Variants in NBR1 observed in about 807,000 individuals in gnomAD.
NBR1 encodes the protein next to BRCA1 gene 1 protein.
NBR1 carries 59 observed loss-of-function variants against 115.5 expected under a neutral mutation model. The ratio of observed to expected loss-of-function variants is 0.51; its 90% CI spans 0.41 to 0.63. The LOEUF is 0.63. Ranked by LOEUF, NBR1 falls within the 30% of genes least tolerant of loss-of-function variation. NBR1 has a pLI of 0.00. For missense variants in NBR1, 1,043 were observed against 1,150.5 expected, an observed-to-expected ratio of 0.91 and a Z score of 1.35; for synonymous variants, 373 against 414.7, an observed-to-expected ratio of 0.90 and a Z score of 1.22.
At chr17:43,190,877 T>A in intron 9 of NBR1, 101 bp downstream of exon 9, 1 of 1,146,034 alleles carries the variant, frequency 8.7e-7, no homozygotes, top group Non-Finnish European at 1.2e-6. Context: ...TTAGTTCTGC[T>A]CATTTTCAAT....
intron 3 of NBR1, among the ~76,000 whole-genome samples, chr17:43,178,830 A>G (rs1053835969): frequency 1.4e-5 from 2 of 142,282 alleles, no homozygotes; most frequent in Admixed American, 7.3e-5. Context: ...GTGCATTGGC[A>G]TAGCTTGCTG....
chr17:43,186,143 A>G, intron 5 of NBR1, 107 bp from the exon 6 acceptor site: 2 of 934,650 alleles, frequency 2.1e-6, no homozygotes, highest in Non-Finnish European at 1.6e-6. Context: ...AAATCCTAGT[A>G]TTTTCTAGCA....
intron 5 of NBR1, among the ~76,000 whole-genome samples, chr17:43,185,956 G>A (rs1175702817): frequency 6.6e-6 from 1 of 151,812 alleles, no homozygotes; most frequent in East Asian, 1.9e-4. Context: ...AGCCAAGACC[G>A]TGCCATTGCA....
In NBR1 at chr17:43,193,444, G is replaced by C; in HGVS notation, c.1330G>C (p.Val444Leu). The change falls in exon 12 of 21, where the codon GTG (valine) becomes CTG (leucine). Residue 444 changes from valine (V) to leucine (L), a missense_variant. By Grantham distance (32) the Val-to-Leu change is conservative. Coordinates refer to ENST00000590996, the MANE Select transcript of NBR1 (RefSeq NM_005899.5). Reference protein sequence around the residue: ...LKAGHVGVVSVEFIAPALEGT... With the variant: ...LKAGHVGVVSLEFIAPALEGT... Reference sequence around the variant, plus strand: ...GGCCGGCCATGTGGGAGTTGTATCTGTGGAGTTCATTGCCCCAGCCTTGGA... The same window carrying C: ...GGCCGGCCATGTGGGAGTTGTATCTCTGGAGTTCATTGCCCCAGCCTTGGA... The C allele has an allele frequency of 6.2e-7, 1 of 1,613,978 alleles. No homozygotes were observed. The highest frequency in any genetic ancestry group is 8.5e-7 in the Non-Finnish European group (1 of 1,179,886).
chr17:43,196,445 C>T lies in NBR1; in HGVS notation c.1751-36C>T, dbSNP rs546269110. On this transcript the variant is annotated intron_variant, in intron 14 of 20. Transcript: ENST00000590996. ...CTGACTGTTGATGATATGATGCTTT[C>T]TCTTGATTGATGGTTCTCCTGTCTT... is the stretch of plus-strand genomic sequence containing the variant. 2.3e-6 allele frequency: 3 copies of T among 1,291,544 alleles called. No homozygotes were observed. The South Asian group carries it at 4.3e-5, about 19-fold the overall frequency. 80.0% of individuals were successfully genotyped at this position (1,291,544 alleles called of 1,614,324 possible).
At chr17:43,180,768 C>G in intron 4 of NBR1, 27 bp from the exon 5 acceptor site, 2 of 1,449,754 alleles carry the variant, frequency 1.4e-6, no homozygotes, top group South Asian at 2.9e-5. Flanking sequence ...GAAGAAGTAT[C>G]ATGGTGTATA....
intron 10 of NBR1, 107 bp downstream of exon 10, chr17:43,191,688 C>A: frequency 1.4e-6 from 1 of 698,152 alleles, no homozygotes; most frequent in Non-Finnish European, 2.4e-6. Context: ...ACACCTAAAT[C>A]TTTAAAACTT....
In NBR1 at chr17:43,186,377, C is replaced by G. The variant is rs79648394; in HGVS notation, c.335C>G (p.Ala112Gly). 6.2e-7 allele frequency: 1 copy of G among 1,602,586 alleles called. No individual in the cohort carries two copies. Among genetic ancestry groups the G allele is most frequent in the Non-Finnish European group, 8.5e-7 (1 of 1,174,862 alleles). The change falls in exon 6 of 21, where the codon GCA (alanine) becomes GGA (glycine). Residue 112 changes from alanine to glycine, a missense_variant. Coordinates refer to ENST00000590996, the MANE Select transcript of NBR1 (RefSeq NM_005899.5). ...LAARAGKKPL[A>G]HYSSLVRVLG... ...GCCAGGGCAGGGAAGAAGCCACTTG[C>G]ACATTACTCTTCACTGGTGAGAGTC...
In NBR1 at chr17:43,210,245, G is replaced by C; in HGVS notation, c.*171G>C. On this transcript the variant is annotated 3_prime_UTR_variant, in exon 21 of 21. Coordinates refer to ENST00000590996, the MANE Select transcript of NBR1 (RefSeq NM_005899.5). ...ACAGTATTTTGGGGAGCAAACTAAA[G>C]ACCAGAACTTAAATTTTCACTTTAG... is the stretch of plus-strand genomic sequence containing the variant. 2.0e-6 allele frequency: 1 copy of C among 498,072 alleles called. No homozygotes were observed. 30.9% of individuals were successfully genotyped at this position (498,072 alleles called of 1,614,324 possible). A position where few individuals can be genotyped will look rare whatever the true frequency, so the allele number is the denominator to read the frequency against.
rs1188222394 is a variant in NBR1, at chr17:43,210,858, GTTAT to G, written c.*788_*791del. On this transcript the variant is annotated 3_prime_UTR_variant, in exon 21 of 21. Coordinates refer to ENST00000590996, the MANE Select transcript of NBR1 (RefSeq NM_005899.5). ...ATCTTATAGAAAAGGAAAAAATCCC[GTTAT>G]TTAAAGGGAAAAGTAAATTTAACAG... 5.0e-6 allele frequency: 2 copies of G among 397,004 alleles called. No individual in the cohort carries two copies. Among genetic ancestry groups the G allele is most frequent in the South Asian group, 1.4e-4 (1 of 7,180 alleles). 24.6% of individuals were successfully genotyped at this position (397,004 alleles called of 1,614,324 possible). A position where few individuals can be genotyped will look rare whatever the true frequency, so the allele number is the denominator to read the frequency against.
chr17:43,205,952 G>A (rs951777077), intron 20 of NBR1, among the ~76,000 whole-genome samples: 1 of 151,464 alleles, frequency 6.6e-6, no homozygotes, highest in African/African-American at 2.4e-5. Flanking sequence ...GGCTGAGGCG[G>A]GTGGATCATG....
In NBR1 at chr17:43,193,388, A is replaced by C. The variant is rs767200161; in HGVS notation, c.1274A>C (p.Glu425Ala). The C allele has an allele frequency of 1.9e-5, 30 of 1,614,026 alleles. No homozygotes were observed. The highest frequency in any genetic ancestry group is 2.5e-5 in the Non-Finnish European group (30 of 1,179,896). ...GGAAACCTGACTTTGGCTTCCACAGAAAAGAAGGATGTTTTGGTTCCCTGC... is the reference window on the plus strand; with the variant it reads ...GGAAACCTGACTTTGGCTTCCACAGCAAAGAAGGATGTTTTGGTTCCCTGC... ...MWGNLTLAST[E>A]KKDVLVPCLK... is the part of the protein sequence containing the mutation. The change falls in exon 12 of 21, where the codon GAA (glutamate) becomes GCA (alanine). Residue 425 changes from glutamate (E) to alanine (A), a missense_variant. Glu to Ala is a moderately radical substitution (Grantham distance 107). Coordinates refer to ENST00000590996, the MANE Select transcript of NBR1 (RefSeq NM_005899.5).
chr17:43,171,701 A>G (rs775200246), intron 1 of NBR1, among the ~76,000 whole-genome samples: 1 of 152,188 alleles, frequency 6.6e-6, no homozygotes, highest in Non-Finnish European at 1.5e-5. Context: ...CATCCTTCTC[A>G]TCCCATCCTC....
At chr17:43,177,027 T>A (rs1431142219) in intron 2 of NBR1, among the ~76,000 whole-genome samples, 1 of 152,110 alleles carries the variant, frequency 6.6e-6, no homozygotes, top group Non-Finnish European at 1.5e-5. Context: ...TCCCAGCACT[T>A]TGGGAGGCCA....
intron 14 of NBR1, chr17:43,196,228 A>T: frequency 3.0e-6 from 1 of 329,914 alleles, no homozygotes; most frequent in Non-Finnish European, 5.4e-6. Context: ...TTGTTCCTTT[A>T]TGTTCATGGT....
At chr17:43,178,657 G>A (rs1156445702) in intron 3 of NBR1, among the ~76,000 whole-genome samples, 1 of 151,932 alleles carries the variant, frequency 6.6e-6, no homozygotes, top group African/African-American at 2.4e-5. Flanking sequence ...GATTACAGTT[G>A]TGAGCTACCA....
chr17:43,174,613 A>G (rs149042275), intron 1 of NBR1, among the ~76,000 whole-genome samples: 1 of 151,988 alleles, frequency 6.6e-6, no homozygotes, highest in African/African-American at 2.4e-5. Flanking sequence ...AAATAAATAC[A>G]ATAATATAAA....
chr17:43,204,405 C>A (rs1354748999), intron 20 of NBR1, among the ~76,000 whole-genome samples: 10 of 152,110 alleles, frequency 6.6e-5, no homozygotes, highest in Non-Finnish European at 1.5e-4. Context: ...TATGGTGGCT[C>A]TTACCTGTAA....
At chr17:43,199,006 G>A (rs554106815) in intron 16 of NBR1, among the ~76,000 whole-genome samples, 28 of 151,876 alleles carry the variant, frequency 1.8e-4, no homozygotes, top group Admixed American at 3.3e-4. Context: ...TTCCACATGT[G>A]TGTACAAATA....
Sources: gnomAD v4.1 joint callset for allele counts (sites outside exome capture counted in the v4.1 genomes callset) on GRCh38, gnomAD v4.1.1 for gene constraint, MANE v1.5 for transcripts, NCBI Gene and HGNC (gene_info 2026-07-23, HGNC 2026-07-21) for gene names.